BMAL1: variants seen among roughly 807,000 people sequenced by gnomAD.
The protein encoded by BMAL1 is basic helix-loop-helix ARNT like 1, also known as basic helix-loop-helix ARNT-like protein 1.
At chr11:13,324,334 C>T in the BMAL1 span, among the ~76,000 whole-genome samples, 1 of 152,348 alleles carries the variant, frequency 6.6e-6, no homozygotes, top group African/African-American at 2.4e-5. Flanking sequence ...CTTCTCTGGT[C>T]TCATCCCTTG....
the BMAL1 span, among the ~76,000 whole-genome samples, chr11:13,357,928 A>G: frequency 5.9e-5 from 9 of 152,258 alleles, no homozygotes; most frequent in Middle Eastern, 3.4e-3. This position sits in a 1 kb window ranked among gnomAD's most constrained non-coding sequence, Gnocchi z 4.8. Context: ...TTTTGATCCA[A>G]GGATGACGGC....
the BMAL1 span, chr11:13,378,257 T>TA: frequency 6.9e-7 from 1 of 1,457,176 alleles, no homozygotes; most frequent in Non-Finnish European, 9.1e-7. Flanking sequence ...GATCATGGGA[T>TA]AAACTGGTTT....
chr11:13,381,081 C>CT, the BMAL1 span: 1 of 1,433,318 alleles, frequency 7.0e-7, no homozygotes, highest in Non-Finnish European at 9.8e-7. Context: ...TCTTCATCCC[C>CT]TTTCTCACCT....
chr11:13,352,081 G>C, the BMAL1 span, among the ~76,000 whole-genome samples: 3 of 152,276 alleles, frequency 2.0e-5, no homozygotes, highest in South Asian at 2.1e-4. Context: ...GAGGAGGTGG[G>C]AGAGGTAGAA....
chr11:13,287,013 A>T, the BMAL1 span, among the ~76,000 whole-genome samples: 1 of 152,164 alleles, frequency 6.6e-6, no homozygotes, highest in African/African-American at 2.4e-5. Context: ...AGGATAGAAG[A>T]GGTTTTTGCT....
At chr11:13,325,619 G>C in the BMAL1 span, among the ~76,000 whole-genome samples, 1 of 149,580 alleles carries the variant, frequency 6.7e-6, no homozygotes, top group Non-Finnish European at 1.5e-5. Flanking sequence ...CCTGGCCCAG[G>C]CGTAGCCATG....
At chr11:13,305,485 A>G in the BMAL1 span, among the ~76,000 whole-genome samples, 1 of 152,192 alleles carries the variant, frequency 6.6e-6, no homozygotes, top group African/African-American at 2.4e-5. Context: ...CTAATTAGTC[A>G]TAGAAATTTT....
At chr11:13,332,882 G>T in the BMAL1 span, among the ~76,000 whole-genome samples, 240 of 152,220 alleles carry the variant, frequency 1.6e-3, no homozygotes, top group African/African-American at 5.4e-3. Flanking sequence ...TTCCTGTCAC[G>T]GTCATAGCCC....
chr11:13,369,281 C>T, the BMAL1 span, among the ~76,000 whole-genome samples: 2 of 152,232 alleles, frequency 1.3e-5, no homozygotes, highest in East Asian at 1.9e-4. Context: ...ATACATCACC[C>T]TGTCCTATTA....
the BMAL1 span, among the ~76,000 whole-genome samples, chr11:13,324,054 C>A: frequency 6.6e-6 from 1 of 152,180 alleles, no homozygotes; most frequent in African/African-American, 2.4e-5. Context: ...CAGTTCTTGA[C>A]AACTCTTACT....
the BMAL1 span, among the ~76,000 whole-genome samples, chr11:13,348,374 T>C: frequency 6.6e-6 from 1 of 152,116 alleles, no homozygotes; most frequent in Non-Finnish European, 1.5e-5. Flanking sequence ...AGTGAAGCTA[T>C]TGCAGTGGTC....
the BMAL1 span, chr11:13,354,492 C>T: frequency 6.2e-7 from 1 of 1,600,182 alleles, no homozygotes; most frequent in Admixed American, 1.7e-5. Flanking sequence ...AACTTGGTGT[C>T]AGTTCTCGGG....
chr11:13,369,914 TA>T, the BMAL1 span: 459 of 1,008,658 alleles, frequency 4.6e-4, 3 homozygotes, highest in African/African-American at 6.8e-3. Flanking sequence ...CAGTCCTCCC[TA>T]TGTGTAGGGC....
the BMAL1 span, among the ~76,000 whole-genome samples, chr11:13,366,008 A>C: frequency 6.6e-6 from 1 of 152,200 alleles, no homozygotes; most frequent in African/African-American, 2.4e-5. Flanking sequence ...TTTACTCTAA[A>C]AATTAATGAT....
At chr11:13,292,550 A>AT in the BMAL1 span, among the ~76,000 whole-genome samples, 15 of 88,304 alleles carry the variant, frequency 1.7e-4, no homozygotes, top group African/African-American at 3.0e-4. Context: ...CCATCTCAAA[A>AT]AAAAAAAAAT....
the BMAL1 span, among the ~76,000 whole-genome samples, chr11:13,374,423 A>G: frequency 2.0e-5 from 3 of 152,132 alleles, no homozygotes; most frequent in Non-Finnish European, 4.4e-5. Flanking sequence ...TTTCTGAAAG[A>G]CATCTCTTGT....
At chr11:13,288,624 T>C in the BMAL1 span, among the ~76,000 whole-genome samples, 1 of 151,970 alleles carries the variant, frequency 6.6e-6, no homozygotes, top group East Asian at 1.9e-4. Flanking sequence ...ATTATGATTA[T>C]GATTTTAGTG....
At chr11:13,323,023 C>G in the BMAL1 span, among the ~76,000 whole-genome samples, 2 of 151,438 alleles carry the variant, frequency 1.3e-5, no homozygotes, top group Admixed American at 6.6e-5. Flanking sequence ...TCTTGAACTC[C>G]TGGCCTCCAG....
At chr11:13,282,014 G>A in the BMAL1 span, among the ~76,000 whole-genome samples, 4 of 152,152 alleles carry the variant, frequency 2.6e-5, no homozygotes, top group South Asian at 6.2e-4. Context: ...TAGCAGGTCC[G>A]TTGTGGACAT....
Sources: allele counts gnomAD v4.1 joint callset (sites outside exome capture counted in the v4.1 genomes callset), GRCh38; gene constraint gnomAD v4.1.1; non-coding constraint Gnocchi (gnomAD v3.1); transcripts MANE v1.5; gene names NCBI Gene and HGNC (gene_info 2026-07-23, HGNC 2026-07-21).